Variants in IL1RAPL2 observed in about 807,000 individuals in gnomAD.
IL1RAPL2 encodes the protein X-linked interleukin-1 receptor accessory protein-like 2.
IL1RAPL2 carries 3 observed loss-of-function variants against 44.1 expected under a neutral mutation model. That is an observed-to-expected ratio of 0.07 (90% CI 0.03 to 0.18). The LOEUF (loss-of-function observed/expected upper bound fraction) is 0.18. Among genes scored for constraint, IL1RAPL2 ranks in the 10% least tolerant of loss-of-function variants. The probability of loss-of-function intolerance (pLI) is 1.00; values close to 1 mark genes in which losing one functional copy is unlikely to be tolerated. For synonymous variants in IL1RAPL2, 181 were observed against 178.8 expected (o/e 1.01, Z -0.10); for missense variants, 391 against 496.4 (o/e 0.79, Z 2.02).
At chrX:105,060,262 G>A (rs2032054547) in intron 2 of IL1RAPL2, among the ~76,000 whole-genome samples, 1 of 111,801 alleles carries the variant, frequency 8.9e-6, no homozygotes, top group Non-Finnish European at 1.9e-5. Flanking sequence ...CTCTTATCGT[G>A]TTGAGGTATA....
chrX:105,028,948 T>C (rs1025492668), intron 2 of IL1RAPL2, among the ~76,000 whole-genome samples: 1 of 110,141 alleles, frequency 9.1e-6, no homozygotes, highest in Non-Finnish European at 1.9e-5. Flanking sequence ...TACTTATGTA[T>C]TTAGATTTTA....
At chrX:105,135,825 C>T (rs1569389710) in intron 2 of IL1RAPL2, among the ~76,000 whole-genome samples, 2 of 111,713 alleles carry the variant, frequency 1.8e-5, no homozygotes, top group African/African-American at 6.5e-5. Flanking sequence ...AGACAACTGC[C>T]TTTGCACACT....
At chrX:105,190,227 G>A (rs1314348815) in intron 2 of IL1RAPL2, among the ~76,000 whole-genome samples, 1 of 111,343 alleles carries the variant, frequency 9.0e-6, no homozygotes, top group Non-Finnish European at 1.9e-5. Context: ...TTCACTGGGT[G>A]GGGGGATGGG....
intron 6 of IL1RAPL2, among the ~76,000 whole-genome samples, chrX:105,695,817 T>A (rs2038072197): frequency 8.9e-6 from 1 of 112,076 alleles, no homozygotes. Context: ...TACCCACAAC[T>A]AGAAAGTGAG....
intron 2 of IL1RAPL2, among the ~76,000 whole-genome samples, chrX:104,935,853 G>A (rs1351185340): frequency 9.0e-6 from 1 of 111,434 alleles, no homozygotes; most frequent in Non-Finnish European, 1.9e-5. Context: ...GACAGGGCAA[G>A]AATGCAGTCT....
At chrX:105,607,758 T>C (rs1478663911) in intron 6 of IL1RAPL2, among the ~76,000 whole-genome samples, 3 of 109,347 alleles carry the variant, frequency 2.7e-5, no homozygotes. Flanking sequence ...AGCTGTGTTG[T>C]ATCACTAGAG....
chrX:104,708,715 A>G (rs1302782198), intron 2 of IL1RAPL2, among the ~76,000 whole-genome samples: 1 of 110,921 alleles, frequency 9.0e-6, no homozygotes, highest in African/African-American at 3.3e-5. Context: ...GGAAAATATT[A>G]TAGAACACAG....
intron 6 of IL1RAPL2, among the ~76,000 whole-genome samples, chrX:105,625,679 C>A (rs993726768): frequency 2.7e-5 from 3 of 111,115 alleles, no homozygotes; most frequent in Non-Finnish European, 5.7e-5. Flanking sequence ...TTATTTGTCC[C>A]CACCCTCAAG....
chrX:105,556,001 C>T (rs2036893967), intron 6 of IL1RAPL2, among the ~76,000 whole-genome samples: 1 of 111,746 alleles, frequency 8.9e-6, no homozygotes, highest in South Asian at 3.7e-4. Context: ...ATTTGGACTT[C>T]AGAAGCCTTT....
intron 6 of IL1RAPL2, among the ~76,000 whole-genome samples, chrX:105,672,177 A>AT (rs201316510): frequency 4.6e-4 from 50 of 108,529 alleles, no homozygotes; most frequent in Admixed American, 9.9e-4. Context: ...ATCTTTGTTC[A>AT]TTTTTTTTTG....
intron 2 of IL1RAPL2, among the ~76,000 whole-genome samples, chrX:105,143,799 T>C (rs1256027316): frequency 1.8e-5 from 2 of 109,840 alleles, no homozygotes; most frequent in Admixed American, 9.8e-5. Context: ...TGAGAACATA[T>C]GGACACAGGA....
chrX:104,723,954 C>T (rs1375530699), intron 2 of IL1RAPL2, among the ~76,000 whole-genome samples: 2 of 111,051 alleles, frequency 1.8e-5, no homozygotes, highest in Non-Finnish European at 3.8e-5. Context: ...AAACAGTTCA[C>T]CCTGATGAAA....
intron 2 of IL1RAPL2, among the ~76,000 whole-genome samples, chrX:104,914,347 C>T (rs944538084): frequency 4.5e-5 from 5 of 111,530 alleles, no homozygotes; most frequent in Non-Finnish European, 7.5e-5. Context: ...CAGCTTTTTA[C>T]CTCATTTGCA....
intron 2 of IL1RAPL2, among the ~76,000 whole-genome samples, chrX:105,128,404 C>T (rs905519792): frequency 4.5e-5 from 5 of 110,998 alleles, no homozygotes; most frequent in African/African-American, 1.6e-4. Context: ...TGTATATCTA[C>T]ACAACTTTCT....
At chrX:105,098,849 A>C (rs2032634723) in intron 2 of IL1RAPL2, among the ~76,000 whole-genome samples, 1 of 112,037 alleles carries the variant, frequency 8.9e-6, no homozygotes, top group African/African-American at 3.2e-5. Context: ...TTATGGCAAA[A>C]ATCTATGGGA....
intron 6 of IL1RAPL2, among the ~76,000 whole-genome samples, chrX:105,658,326 G>A (rs1020915324): frequency 4.1e-4 from 46 of 111,625 alleles, no homozygotes; most frequent in Middle Eastern, 4.7e-3. Context: ...CCACAAGTAC[G>A]CAAGAGCCAC....
At chrX:105,466,589 C>T (rs1410948064) in intron 5 of IL1RAPL2, among the ~76,000 whole-genome samples, 2 of 111,860 alleles carry the variant, frequency 1.8e-5, no homozygotes, top group Non-Finnish European at 3.8e-5. Context: ...TCATCTGTCA[C>T]TCTTTCTTTA....
intron 2 of IL1RAPL2, among the ~76,000 whole-genome samples, chrX:104,873,114 T>A (rs767927246): frequency 8.2e-4 from 92 of 111,882 alleles, no homozygotes; most frequent in Non-Finnish European, 1.5e-3. Flanking sequence ...CAAAGTACCA[T>A]AGATAGGGCA....
intron 5 of IL1RAPL2, among the ~76,000 whole-genome samples, chrX:105,463,716 C>T (rs965672246): frequency 2.7e-5 from 3 of 111,821 alleles, no homozygotes; most frequent in East Asian, 5.7e-4. Flanking sequence ...TTTATTTCAT[C>T]ACTTATGTGT....
Sources: allele counts gnomAD v4.1 joint callset (sites outside exome capture counted in the v4.1 genomes callset), GRCh38; gene constraint gnomAD v4.1.1; transcripts MANE v1.5; gene names NCBI Gene and HGNC (gene_info 2026-07-23, HGNC 2026-07-21).